Variants in TLL1 observed in about 807,000 individuals in gnomAD.
TLL1 encodes the protein tolloid-like protein 1.
TLL1 carries 49 observed loss-of-function variants against 128.2 expected under a neutral mutation model. The ratio of observed to expected loss-of-function variants is 0.38; its 90% confidence interval spans 0.30 to 0.48. TLL1 has a LOEUF of 0.48. Ranked by LOEUF, TLL1 falls within the 20% of genes least tolerant of loss-of-function variation. TLL1 has a pLI of 0.96. For missense variants in TLL1, 1,123 were observed against 1,242.0 expected, an observed-to-expected ratio of 0.90 and a Z score of 1.44; for synonymous variants, 454 against 418.8, an observed-to-expected ratio of 1.08 and a Z score of -1.03.
chr4:165,960,704 G>A (rs7695535), intron 1 of TLL1, among the ~76,000 whole-genome samples: 10,667 of 151,990 alleles, frequency 0.07, 985 homozygotes, highest in African/African-American at 0.21. Flanking sequence ...CACAATTTAA[G>A]AATATATATG....
chr4:166,060,171 G>T lies in TLL1; in HGVS notation c.1990G>T (p.Glu664Ter), dbSNP rs1262062203. ...YRISVKFEFF[E>*]LEGNEVCKYD... ...AATTTCTGTGAAGTTTGAGTTTTTT[G>T]AATTGGAAGGCAATGAAGTAAGTGA... Residue 664 changes from glutamate to a stop codon, truncating the protein, a stop_gained, in exon 15 of 21, where the codon GAA becomes TAA. Transcript: ENST00000061240. LOFTEE classifies it high-confidence loss of function. The T allele has an allele frequency of 1.2e-6, 2 of 1,612,874 alleles. No individual in the cohort carries two copies. Among genetic ancestry groups the T allele is most frequent in the South Asian group, 1.1e-5 (1 of 91,050 alleles).
intron 7 of TLL1, among the ~76,000 whole-genome samples, chr4:166,010,716 T>C (rs1400535709): frequency 6.6e-6 from 1 of 151,286 alleles, no homozygotes; most frequent in African/African-American, 2.4e-5. Context: ...CAAGAAATCC[T>C]GGTCACATGC....
At chr4:165,949,068 A>G (rs1458194624) in intron 1 of TLL1, among the ~76,000 whole-genome samples, 1 of 152,174 alleles carries the variant, frequency 6.6e-6, no homozygotes, top group East Asian at 1.9e-4. Context: ...CTGTAATTAA[A>G]TGATCTGTTA....
chr4:166,017,585 C>G (rs934010329), intron 8 of TLL1, among the ~76,000 whole-genome samples: 1 of 152,124 alleles, frequency 6.6e-6, no homozygotes, highest in Non-Finnish European at 1.5e-5. Flanking sequence ...TTCTCTACAG[C>G]CTTGCAGGTG....
intron 1 of TLL1, among the ~76,000 whole-genome samples, chr4:165,957,819 G>C (rs975918262): frequency 6.8e-6 from 1 of 147,816 alleles, no homozygotes; most frequent in East Asian, 2.0e-4. Context: ...CCATTAATTC[G>C]TCATTTAGCA....
At chr4:165,993,046 C>A in intron 3 of TLL1, 162 bp downstream of exon 3, 2 of 606,206 alleles carry the variant, frequency 3.3e-6, no homozygotes, top group Non-Finnish European at 5.8e-6. Context: ...TGATCAAAGC[C>A]TTTTAGAACT....
chr4:166,055,830 G>A (rs1377516737), intron 13 of TLL1, among the ~76,000 whole-genome samples: 3 of 151,976 alleles, frequency 2.0e-5, no homozygotes, highest in African/African-American at 7.2e-5. Flanking sequence ...TGAAAGGAAA[G>A]CAAATATTTT....
chr4:166,001,973 T>C (rs974709184), intron 5 of TLL1, among the ~76,000 whole-genome samples: 2 of 152,164 alleles, frequency 1.3e-5, no homozygotes, highest in African/African-American at 4.8e-5. Context: ...ACACAAATCA[T>C]AAATATCATT....
chr4:165,890,484 A>G (rs1210846816), intron 1 of TLL1, among the ~76,000 whole-genome samples: 1 of 152,246 alleles, frequency 6.6e-6, no homozygotes. Flanking sequence ...GGGCTCAGGC[A>G]TTGAGTGAAT....
intron 1 of TLL1, among the ~76,000 whole-genome samples, chr4:165,919,644 A>T (rs1372524829): frequency 6.6e-6 from 1 of 152,174 alleles, no homozygotes; most frequent in East Asian, 1.9e-4. Context: ...ATGTGTTTGT[A>T]ACTCACTTAT....
intron 1 of TLL1, 75 bp downstream of exon 1, chr4:165,874,148 A>T: frequency 6.4e-7 from 1 of 1,567,498 alleles, no homozygotes; most frequent in Admixed American, 1.7e-5. Context: ...TGGCGGTGGG[A>T]GCTCACCTGT....
Position 165,885,599 on chromosome 4 carries a change from CAAAA to C in TLL1, c.169+11533_169+11536del, listed in dbSNP as rs370552974. 2.1e-4 allele frequency among the ~76,000 whole-genome samples: 31 copies of C among 149,484 alleles called. No homozygotes were observed. In the East Asian group the frequency reaches 4.5e-3, roughly 22 times the overall value. Reference sequence around the variant, plus strand: ...TTACTTCTGAAAACAAACAAACAAACAAAAAAAAAACTACCAAAGAGTAGCAAGG... The same window carrying C: ...TTACTTCTGAAAACAAACAAACAAACAAAAAACTACCAAAGAGTAGCAAGG... On this transcript the variant is annotated intron_variant, in intron 1 of 20. Transcript: ENST00000061240.
At chr4:165,902,490 T>C (rs539397389) in intron 1 of TLL1, among the ~76,000 whole-genome samples, 2 of 152,176 alleles carry the variant, frequency 1.3e-5, no homozygotes, top group South Asian at 4.2e-4. Context: ...GAATGCACCG[T>C]TCCTCACCTC....
chr4:165,922,492 A>G lies in TLL1; in HGVS notation c.169+48419A>G, dbSNP rs117489730. Among the ~76,000 whole-genome samples, 357 of 151,954 alleles carry G rather than the reference A, an allele frequency of 2.3e-3. 2 individuals carry two copies. In the East Asian group the frequency reaches 0.043, roughly 18 times the overall value. ...CCTTTTCTTCCCTGCCTTTCTTCCC[A>G]TGTCTCTTTGTTCTTCCTTTGCTTA... On this transcript the variant is annotated intron_variant, in intron 1 of 20. Transcript: ENST00000061240.
intron 1 of TLL1, among the ~76,000 whole-genome samples, chr4:165,949,966 A>G (rs546671449): frequency 3.3e-5 from 5 of 152,304 alleles, no homozygotes; most frequent in Admixed American, 6.5e-5. Context: ...TAGCCACACC[A>G]TTAAAAGGCA....
At chr4:165,971,736 A>G (rs1735635968) in intron 1 of TLL1, among the ~76,000 whole-genome samples, 1 of 152,114 alleles carries the variant, frequency 6.6e-6, no homozygotes, top group African/African-American at 2.4e-5. Context: ...ATTTTTTAAA[A>G]ATTTTAGATG....
intron 7 of TLL1, 81 bp from the exon 8 acceptor site, chr4:166,014,355 A>C (rs1737838324): frequency 2.1e-5 from 33 of 1,600,416 alleles, no homozygotes; most frequent in Non-Finnish European, 2.6e-5. Context: ...CTTGAGTTTG[A>C]AATAAATACC....
At chr4:166,034,213 A>T (rs997058299) in intron 9 of TLL1, among the ~76,000 whole-genome samples, 3 of 152,196 alleles carry the variant, frequency 2.0e-5, no homozygotes, top group Non-Finnish European at 4.4e-5. Context: ...ACTTTAGGAA[A>T]GCTCAGATCT....
chr4:166,045,237 A>G (rs1739411001), intron 12 of TLL1, among the ~76,000 whole-genome samples: 2 of 152,148 alleles, frequency 1.3e-5, no homozygotes, highest in South Asian at 2.1e-4. Context: ...TATGTTAGAC[A>G]TATTTTGATA....
Sources: allele counts gnomAD v4.1 joint callset (sites outside exome capture counted in the v4.1 genomes callset), GRCh38; gene constraint gnomAD v4.1.1; transcripts MANE v1.5; gene names NCBI Gene and HGNC (gene_info 2026-07-23, HGNC 2026-07-21).